POLD3: variants seen among roughly 807,000 people sequenced by gnomAD.
POLD3 encodes the protein DNA polymerase delta 3, accessory subunit.
A neutral mutation model predicts 58.2 loss-of-function variants in POLD3; 19 were observed. The ratio of observed to expected loss-of-function variants is 0.33; its 90% CI spans 0.23 to 0.48. POLD3 has a LOEUF of 0.48. POLD3 is among the 20% of genes least tolerant of loss of function. The pLI is 0.99. For missense variants in POLD3, 504 were observed against 545.5 expected (o/e 0.92, Z 0.76); for synonymous variants, 172 against 193.5 (o/e 0.89, Z 0.92).
chr11:74,625,871 TTGTGTGTGTGTGTGTGTGTG>T (rs56365420), intron 8 of POLD3, among the ~76,000 whole-genome samples: 9 of 143,680 alleles, frequency 6.3e-5, no homozygotes, highest in Admixed American at 1.4e-4. Context: ...GTGTGCCTAG[TTGTGTGTGTGTGTGTGTGTG>T]TGTGTGTGTG....
chr11:74,614,751 G>A (rs1277656435), intron 5 of POLD3, among the ~76,000 whole-genome samples: 2 of 151,562 alleles, frequency 1.3e-5, no homozygotes, highest in African/African-American at 4.8e-5. Flanking sequence ...TTGGGGACAA[G>A]GTGTGTGGGG....
At chr11:74,611,282 C>T (rs367657188) in intron 3 of POLD3, among the ~76,000 whole-genome samples, 3 of 151,964 alleles carry the variant, frequency 2.0e-5, no homozygotes, top group Admixed American at 1.3e-4. Flanking sequence ...TTTCCTTAAC[C>T]TTATTGAGAA....
At chr11:74,611,638 A>C in intron 4 of POLD3, 100 bp downstream of exon 4, 1 of 672,312 alleles carries the variant, frequency 1.5e-6, no homozygotes, top group South Asian at 1.7e-5. Context: ...ATATTTAGCT[A>C]TTTAACTGAA....
At chr11:74,644,682 T>A (rs1429115711), downstream of POLD3, among the ~76,000 whole-genome samples, 1 of 152,196 alleles carries the variant, frequency 6.6e-6, no homozygotes, top group Admixed American at 6.5e-5. Flanking sequence ...ACTCTACAAT[T>A]CCCCTTCTAC....
intron 7 of POLD3, among the ~76,000 whole-genome samples, chr11:74,625,206 C>G (rs1345819848): frequency 6.6e-6 from 1 of 152,068 alleles, no homozygotes; most frequent in East Asian, 1.9e-4. Context: ...GGCTGTGATA[C>G]AATGAGGGAT....
At chr11:74,620,886 G>C (rs1296431515) in intron 7 of POLD3, among the ~76,000 whole-genome samples, 1 of 150,998 alleles carries the variant, frequency 6.6e-6, no homozygotes, top group Non-Finnish European at 1.5e-5. Context: ...GCCTTTCCAT[G>C]ATGGCTAAAT....
rs1456939890 is a variant in POLD3 at position 74,642,509 on chromosome 11, G to A, written c.*1743G>A. ...TTTCTAAAAATTATGCTGGGGTCTC[G>A]ACTAAAACTGAATTTGAATTGGAAA... On this transcript the variant is annotated 3_prime_UTR_variant, in exon 12 of 12. Coordinates refer to ENST00000263681, the MANE Select transcript of POLD3 (RefSeq NM_006591.3). 10 of 984,806 alleles carry A rather than the reference G, an allele frequency of 1.0e-5. No individual in the cohort carries two copies. Among genetic ancestry groups the A allele is most frequent in the African/African-American group, 1.7e-5 (1 of 57,330 alleles). The allele number at this position is 984,806 out of a possible 1,614,324, so 61.0% of individuals were successfully genotyped here.
At chr11:74,624,312 G>A (rs771627411) in intron 7 of POLD3, among the ~76,000 whole-genome samples, 2 of 152,164 alleles carry the variant, frequency 1.3e-5, no homozygotes, top group African/African-American at 2.4e-5. Context: ...GTATGCCATC[G>A]TTGGGAAGGT....
intron 2 of POLD3, among the ~76,000 whole-genome samples, chr11:74,603,765 T>C (rs1194857082): frequency 1.3e-5 from 2 of 152,088 alleles, no homozygotes; most frequent in Non-Finnish European, 2.9e-5. Flanking sequence ...TGAACAGCAA[T>C]GTAGGTTGAG....
chr11:74,630,189 T>A (rs752387367), intron 9 of POLD3, among the ~76,000 whole-genome samples: 1 of 152,152 alleles, frequency 6.6e-6, no homozygotes, highest in Non-Finnish European at 1.5e-5. Context: ...AGGAACCTAC[T>A]GAGCTATCAA....
chr11:74,624,516 T>C (rs553132602), intron 7 of POLD3, among the ~76,000 whole-genome samples: 20 of 152,326 alleles, frequency 1.3e-4, no homozygotes, highest in African/African-American at 4.8e-4. Flanking sequence ...TTTAAGCTAT[T>C]ATACAACATA....
intron 4 of POLD3, among the ~76,000 whole-genome samples, chr11:74,653,637 G>T (rs2033096681): frequency 1.3e-5 from 2 of 152,076 alleles, no homozygotes; most frequent in African/African-American, 4.8e-5. Flanking sequence ...GGAAAAAAAG[G>T]ACAAAGAATA....
chr11:74,653,833 G>T (rs527356407), intron 4 of POLD3, among the ~76,000 whole-genome samples: 17 of 152,194 alleles, frequency 1.1e-4, no homozygotes, highest in African/African-American at 4.1e-4. Context: ...CCTAAGACTG[G>T]GTAATTTACA....
intron 9 of POLD3, among the ~76,000 whole-genome samples, chr11:74,629,965 G>A (rs903740211): frequency 7.2e-5 from 11 of 152,144 alleles, no homozygotes; most frequent in Non-Finnish European, 1.2e-4. Flanking sequence ...TATGCTGGAC[G>A]ACTCTACCTT....
chr11:74,618,488 C>T lies in POLD3; in HGVS notation c.393-49C>T, dbSNP rs760669382. On this transcript the variant is annotated intron_variant, in intron 5 of 11. Transcript: ENST00000263681. ...TTTTTTCTTTTTTTGTTGAACCACC[C>T]AAGAATGCATATGCTGACATTAACT... The T allele has an allele frequency of 2.4e-5, 34 of 1,431,534 alleles. No homozygotes were observed. In the Admixed American group the frequency reaches 7.4e-4, roughly 31 times the overall value. 88.7% of individuals were successfully genotyped at this position (1,431,534 alleles called of 1,614,324 possible).
At position 74,640,882 on chromosome 11, in the gene POLD3, C is replaced by G; in HGVS notation, c.*116C>G. ...TCTCCACCTCACCTGTATCAAAAGACTGTTCTTTCATCCTGTGAGGTTTAT... is the reference window on the plus strand; with the variant it reads ...TCTCCACCTCACCTGTATCAAAAGAGTGTTCTTTCATCCTGTGAGGTTTAT... On this transcript the variant is annotated 3_prime_UTR_variant, in exon 12 of 12. Transcript: ENST00000263681. The G allele has an allele frequency of 3.0e-6, 4 of 1,345,978 alleles. No individual in the cohort carries two copies. The highest frequency in any genetic ancestry group is 3.8e-6 in the Non-Finnish European group (4 of 1,047,400). 83.4% of individuals were successfully genotyped at this position (1,345,978 alleles called of 1,614,324 possible).
intron 4 of POLD3, among the ~76,000 whole-genome samples, chr11:74,658,315 G>T (rs991601726): frequency 5.9e-5 from 9 of 152,098 alleles, no homozygotes; most frequent in African/African-American, 2.2e-4. Context: ...ACCTCCCCCG[G>T]GGTCCCTCCC....
intron 9 of POLD3, among the ~76,000 whole-genome samples, chr11:74,632,933 C>G (rs1022735342): frequency 1.4e-5 from 2 of 141,768 alleles, no homozygotes; most frequent in Admixed American, 7.1e-5. Context: ...CACACACACA[C>G]AGTTACTCTA....
intron 4 of POLD3, among the ~76,000 whole-genome samples, chr11:74,650,190 G>A (rs1565132855): frequency 6.6e-6 from 1 of 152,140 alleles, no homozygotes; most frequent in Non-Finnish European, 1.5e-5. Context: ...ATGAGTTGTC[G>A]TACTTTGCTA....
Sources: allele counts gnomAD v4.1 joint callset (sites outside exome capture counted in the v4.1 genomes callset), GRCh38; gene constraint gnomAD v4.1.1; transcripts MANE v1.5; gene names NCBI Gene and HGNC (gene_info 2026-07-23, HGNC 2026-07-21).